SLC38A12: variants seen among roughly 807,000 people sequenced by gnomAD.
SLC38A12 encodes putative sodium-coupled neutral amino acid transporter 12.
At chr17:74,825,160 C>T in the SLC38A12 span, among the ~76,000 whole-genome samples, 2 of 152,190 alleles carry the variant, frequency 1.3e-5, no homozygotes, top group African/African-American at 4.8e-5. Flanking sequence ...TGCCTCCATC[C>T]AGACAGCCTC....
At chr17:74,825,766 C>T in the SLC38A12 span, among the ~76,000 whole-genome samples, 1 of 152,214 alleles carries the variant, frequency 6.6e-6, no homozygotes, top group African/African-American at 2.4e-5. Context: ...GAGTCTGACC[C>T]GACGATGGTG....
the SLC38A12 span, among the ~76,000 whole-genome samples, chr17:74,800,065 G>A: frequency 2.0e-5 from 3 of 152,334 alleles, no homozygotes; most frequent in African/African-American, 7.2e-5. Context: ...CTGGGATCCC[G>A]GAGCTGAAGC....
At chr17:74,781,825 G>A in the SLC38A12 span, among the ~76,000 whole-genome samples, 1 of 152,212 alleles carries the variant, frequency 6.6e-6, no homozygotes, top group African/African-American at 2.4e-5. Context: ...GCTCTTCGCA[G>A]TCTGACTGCA....
chr17:74,817,535 C>T, the SLC38A12 span, among the ~76,000 whole-genome samples: 42 of 152,318 alleles, frequency 2.8e-4, no homozygotes, highest in African/African-American at 8.7e-4. Flanking sequence ...TCAAGTGGCA[C>T]CTCACACATA....
the SLC38A12 span, among the ~76,000 whole-genome samples, chr17:74,802,583 C>T: frequency 6.6e-6 from 1 of 152,190 alleles, no homozygotes; most frequent in South Asian, 2.1e-4. Context: ...TATCCCTTCC[C>T]CAAAATATTT....
chr17:74,815,240 T>C, the SLC38A12 span, among the ~76,000 whole-genome samples: 1 of 151,324 alleles, frequency 6.6e-6, no homozygotes, highest in Non-Finnish European at 1.5e-5. Context: ...CTTGGCAGAG[T>C]GTGGAGGGGC....
chr17:74,824,451 CCT>C, the SLC38A12 span, among the ~76,000 whole-genome samples: 1 of 152,162 alleles, frequency 6.6e-6, no homozygotes, highest in African/African-American at 2.4e-5. Flanking sequence ...GGAGGCTGCC[CCT>C]GCCCCGCCGC....
the SLC38A12 span, chr17:74,785,497 A>C: frequency 6.2e-7 from 1 of 1,612,552 alleles, no homozygotes; most frequent in South Asian, 1.1e-5. Flanking sequence ...GCTGGTGTAC[A>C]TGTTTAACCT....
the SLC38A12 span, chr17:74,790,970 C>G: frequency 1.2e-6 from 2 of 1,614,096 alleles, no homozygotes; most frequent in South Asian, 1.1e-5. Context: ...ACGTGGATCT[C>G]CCAACCCGTT....
chr17:74,819,857 A>T, the SLC38A12 span: 1 of 1,608,680 alleles, frequency 6.2e-7, no homozygotes, highest in Non-Finnish European at 8.5e-7. Context: ...AGTCTGAGAA[A>T]CAGCTCGAGT....
At chr17:74,801,234 T>C in the SLC38A12 span, among the ~76,000 whole-genome samples, 14 of 152,362 alleles carry the variant, frequency 9.2e-5, no homozygotes, top group Non-Finnish European at 1.8e-4. Context: ...CTGGAGACTC[T>C]AGAAAGGTCG....
the SLC38A12 span, among the ~76,000 whole-genome samples, chr17:74,782,424 C>T: frequency 2.0e-5 from 3 of 152,206 alleles, no homozygotes; most frequent in East Asian, 5.8e-4. Flanking sequence ...CCCGTGAGTT[C>T]AAGGGCCGTA....
the SLC38A12 span, among the ~76,000 whole-genome samples, chr17:74,812,981 CA>C: frequency 6.6e-6 from 1 of 151,990 alleles, no homozygotes; most frequent in Non-Finnish European, 1.5e-5. Context: ...AAGCCAAAAC[CA>C]AAAAAGCTTC....
At chr17:74,790,503 G>C in the SLC38A12 span, among the ~76,000 whole-genome samples, 7 of 152,154 alleles carry the variant, frequency 4.6e-5, no homozygotes, top group African/African-American at 1.7e-4. Flanking sequence ...CCACTACTCA[G>C]ATTTGCAGCT....
chr17:74,833,171 G>A, the SLC38A12 span, among the ~76,000 whole-genome samples: 43 of 152,264 alleles, frequency 2.8e-4, 1 homozygote, highest in South Asian at 2.7e-3. Flanking sequence ...TTGCAGGTGC[G>A]CGTCACCAAG....
chr17:74,807,191 G>A, the SLC38A12 span, among the ~76,000 whole-genome samples: 3 of 150,028 alleles, frequency 2.0e-5, no homozygotes, highest in Admixed American at 2.0e-4. Flanking sequence ...CCTTGCTTTG[G>A]AGTCAGAGGA....
the SLC38A12 span, among the ~76,000 whole-genome samples, chr17:74,806,267 A>G: frequency 6.6e-6 from 1 of 152,082 alleles, no homozygotes; most frequent in Admixed American, 6.5e-5. Context: ...CCCAGCCCCC[A>G]GCAGTTATGT....
At chr17:74,783,930 T>C in the SLC38A12 span, among the ~76,000 whole-genome samples, 5,587 of 151,736 alleles carry the variant, frequency 0.037, 323 homozygotes, top group African/African-American at 0.12. Context: ...GGTTTCACCA[T>C]GTTGGACAGG....
the SLC38A12 span, among the ~76,000 whole-genome samples, chr17:74,806,391 G>A: frequency 1.2e-4 from 19 of 152,126 alleles, no homozygotes; most frequent in Admixed American, 1.0e-3. Flanking sequence ...GAATAATGCC[G>A]TGCACCCATC....
Sources: allele counts gnomAD v4.1 joint callset (sites outside exome capture counted in the v4.1 genomes callset), GRCh38; gene constraint gnomAD v4.1.1; transcripts MANE v1.5; gene names NCBI Gene and HGNC (gene_info 2026-07-23, HGNC 2026-07-21).